The following CCDC171 variants were observed in gnomAD, a reference collection of about 807,000 sequenced individuals.
CCDC171 encodes coiled-coil domain-containing protein 171.
Under a neutral mutation model 168.2 loss-of-function variants are expected in CCDC171, and 177 were observed. That is an observed-to-expected ratio of 1.05 (90% confidence interval 0.93 to 1.19). The LOEUF is 1.19. Among genes scored for constraint, CCDC171 ranks in the 50% most tolerant of loss-of-function variants. CCDC171 has a pLI of 0.00. For synonymous variants in CCDC171, 687 were observed against 540.8 expected (o/e 1.27, Z -3.75); for missense variants, 1,991 against 1,539.0 (o/e 1.29, Z -4.91).
At chr9:15,610,463 A>C (rs1282516777) in intron 6 of CCDC171, among the ~76,000 whole-genome samples, 9 of 139,588 alleles carry the variant, frequency 6.4e-5, no homozygotes, top group Admixed American at 2.2e-4. Flanking sequence ...AAAAAAAAAA[A>C]AAAAAAAAAA....
chr9:15,709,862 A>G lies in CCDC171; in HGVS notation c.1319-11907A>G, dbSNP rs138110920. On this transcript the variant is annotated intron_variant, in intron 11 of 25. Transcript: ENST00000380701. ...ATATCTTTTTTTATGAAAAATTTCA[A>G]ATATGTACAAAAGGAGGCAGAATAG... is the stretch of plus-strand genomic sequence containing the variant. 6.6e-5 allele frequency among the ~76,000 whole-genome samples: 10 copies of G among 152,294 alleles called. No homozygotes were observed. The East Asian group carries it at 1.4e-3, about 21-fold the overall frequency.
intron 21 of CCDC171, among the ~76,000 whole-genome samples, chr9:15,786,726 C>G (rs1241102714): frequency 1.3e-5 from 2 of 152,164 alleles, no homozygotes; most frequent in African/African-American, 4.8e-5. Context: ...CCTGCCTTAA[C>G]TGATAACCCA....
chr9:16,058,216 C>G (rs1333292125), intron 1 of CCDC171, among the ~76,000 whole-genome samples: 1 of 152,112 alleles, frequency 6.6e-6, no homozygotes, highest in Non-Finnish European at 1.5e-5. Flanking sequence ...CTCCTCAAAT[C>G]TCACTTTAAA....
At chr9:15,905,311 T>C (rs1228904014) in intron 24 of CCDC171, among the ~76,000 whole-genome samples, 3 of 152,166 alleles carry the variant, frequency 2.0e-5, no homozygotes, top group African/African-American at 7.2e-5. Flanking sequence ...ACGGAAATTA[T>C]AACAAACTTT....
At chr9:15,778,559 T>G (rs1313530719) in intron 19 of CCDC171, among the ~76,000 whole-genome samples, 1 of 143,994 alleles carries the variant, frequency 6.9e-6, no homozygotes, top group Non-Finnish European at 1.5e-5. Context: ...GGCATGAGAA[T>G]CGCTTGAACT....
intron 24 of CCDC171, among the ~76,000 whole-genome samples, chr9:15,887,378 T>C (rs1819570957): frequency 6.6e-6 from 1 of 151,828 alleles, no homozygotes; most frequent in South Asian, 2.1e-4. Flanking sequence ...CAGTAGTAGG[T>C]TTTTTTCCCC....
At chr9:15,611,991 G>A (rs750239973) in intron 6 of CCDC171, among the ~76,000 whole-genome samples, 7 of 152,176 alleles carry the variant, frequency 4.6e-5, no homozygotes, top group Non-Finnish European at 1.0e-4. Context: ...ATAAGGGACT[G>A]AAGAACCAGA....
At position 15,605,684 on chromosome 9, in the gene CCDC171, C is replaced by CA. The variant is rs71325924; in HGVS notation, c.675+11525dup. ...CCTGGGCGACAGAGCGAGACTCTGT[C>CA]AAAAAAAAAAAAAGAAAAAAAAAAG... On this transcript the variant is annotated intron_variant, in intron 6 of 25. Transcript: ENST00000380701. Among the ~76,000 whole-genome samples, 296 of 121,448 alleles carry CA rather than the reference C, an allele frequency of 2.4e-3. 3 individuals are homozygous for CA. Among genetic ancestry groups the CA allele is most frequent in the Middle Eastern group, 4.1e-3 (1 of 244 alleles). 79.7% of individuals were successfully genotyped at this position (121,448 alleles called of 152,430 possible).
At chr9:15,634,135 C>G (rs934762740) in intron 7 of CCDC171, among the ~76,000 whole-genome samples, 1 of 151,954 alleles carries the variant, frequency 6.6e-6, no homozygotes, top group African/African-American at 2.4e-5. Context: ...TGTAACTAAC[C>G]TGCATATTGT....
chr9:15,590,929 G>A (rs1225667745), intron 4 of CCDC171, among the ~76,000 whole-genome samples: 2 of 150,142 alleles, frequency 1.3e-5, no homozygotes, highest in Non-Finnish European at 3.0e-5. Context: ...TGTTCAGGCT[G>A]GTCTTGAACT....
At chr9:15,657,284 C>A in intron 8 of CCDC171, 65 bp downstream of exon 8, 1 of 931,106 alleles carries the variant, frequency 1.1e-6, no homozygotes, top group Non-Finnish European at 1.7e-6. Context: ...CTGGGAAAAA[C>A]AGCACTGTGT....
At chr9:15,558,206 G>A (rs2038975484) in intron 1 of CCDC171, among the ~76,000 whole-genome samples, 1 of 151,906 alleles carries the variant, frequency 6.6e-6, no homozygotes, top group African/African-American at 2.4e-5. Flanking sequence ...CTCTTTTTTT[G>A]TTGTGTCTCT....
rs1831396223 is a variant in CCDC171 at position 15,971,866 on chromosome 9, T to G, written c.*30T>G. 1 of 1,536,846 alleles carries G rather than the reference T, an allele frequency of 6.5e-7. No individual in the cohort carries two copies. The highest frequency in any genetic ancestry group is 1.4e-5 in the African/African-American group (1 of 73,038). ...ATGAAATTAAAAAATGGAGGAAGAG[T>G]TAACAGTACAATTAAAATTGTTTTG... On this transcript the variant is annotated 3_prime_UTR_variant, in exon 26 of 26. Coordinates refer to ENST00000380701, the MANE Select transcript of CCDC171 (RefSeq NM_173550.4).
intron 18 of CCDC171, among the ~76,000 whole-genome samples, chr9:15,751,274 A>G (rs910864303): frequency 2.6e-5 from 4 of 152,188 alleles, no homozygotes; most frequent in Non-Finnish European, 5.9e-5. Flanking sequence ...TCAACGAAAT[A>G]AAAGAGGTCA....
chr9:15,990,248 G>A (rs1799893306), intron 3 of CCDC171, among the ~76,000 whole-genome samples: 1 of 151,978 alleles, frequency 6.6e-6, no homozygotes, highest in African/African-American at 2.4e-5. Context: ...AACTCTACAA[G>A]CCAGAAGAGA....
chr9:15,839,772 A>G lies in CCDC171; in HGVS notation c.3268-6930A>G, dbSNP rs183107776. 9.8e-5 allele frequency among the ~76,000 whole-genome samples: 15 copies of G among 152,320 alleles called. No homozygotes were observed. The East Asian group carries it at 2.9e-3, about 29-fold the overall frequency. On this transcript the variant is annotated intron_variant, in intron 21 of 25. Transcript: ENST00000380701. ...TATGTGGAACACTCCCCATAGTGAAAGTTAGCAAACATTTGCTGTCTAGAA... is the reference window on the plus strand; with the variant it reads ...TATGTGGAACACTCCCCATAGTGAAGGTTAGCAAACATTTGCTGTCTAGAA...
Position 15,637,658 on chromosome 9 carries a change from C to G in CCDC171, c.822+14245C>G, listed in dbSNP as rs1049549760. ...CAACAGTCCCCAGAGTGTGATGTTCCCCTTCCTGTGTCCATGTGATCTCAT... is the reference window on the plus strand; with the variant it reads ...CAACAGTCCCCAGAGTGTGATGTTCGCCTTCCTGTGTCCATGTGATCTCAT... On this transcript the variant is annotated intron_variant, in intron 7 of 25. Coordinates refer to ENST00000380701, the MANE Select transcript of CCDC171 (RefSeq NM_173550.4). 1.6e-4 allele frequency among the ~76,000 whole-genome samples: 22 copies of G among 134,182 alleles called. No homozygotes were observed. In the East Asian group the frequency reaches 4.3e-3, roughly 26 times the overall value. 88.0% of individuals were successfully genotyped at this position (134,182 alleles called of 152,430 possible). A position where few individuals can be genotyped will look rare whatever the true frequency, so the allele number is the denominator to read the frequency against.
intron 18 of CCDC171, among the ~76,000 whole-genome samples, chr9:15,749,054 G>A (rs571416238): frequency 6.6e-6 from 1 of 152,062 alleles, no homozygotes; most frequent in Non-Finnish European, 1.5e-5. Context: ...CCATTGGTGT[G>A]CTGTATTCAG....
At chr9:15,673,243 G>C (rs1210571431) in intron 9 of CCDC171, among the ~76,000 whole-genome samples, 3 of 152,216 alleles carry the variant, frequency 2.0e-5, no homozygotes, top group Non-Finnish European at 2.9e-5. Flanking sequence ...AGTTTAAGGA[G>C]ATTTTGGGCT....
Sources: allele counts gnomAD v4.1 joint callset (sites outside exome capture counted in the v4.1 genomes callset), GRCh38; gene constraint gnomAD v4.1.1; transcripts MANE v1.5; gene names NCBI Gene and HGNC (gene_info 2026-07-23, HGNC 2026-07-21).